The following R3HDM1 variants were observed in gnomAD, a reference collection of about 807,000 sequenced individuals.
R3HDM1 encodes the protein R3H domain-containing protein 1.
R3HDM1 carries 46 observed loss-of-function variants against 141.1 expected under a neutral mutation model. The ratio of observed to expected loss-of-function variants is 0.33; its 90% CI spans 0.26 to 0.42. The LOEUF (loss-of-function observed/expected upper bound fraction) is 0.42, where lower values mean the gene tolerates loss of function less well. Among genes scored for constraint, R3HDM1 ranks in the 10% least tolerant of loss-of-function variants. R3HDM1 has a pLI of 1.00. For missense variants in R3HDM1, 1,184 were observed against 1,368.3 expected, an observed-to-expected ratio of 0.87 and a Z score of 2.12; for synonymous variants, 435 against 472.9, an observed-to-expected ratio of 0.92 and a Z score of 1.04.
intron 1 of R3HDM1, among the ~76,000 whole-genome samples, chr2:135,553,813 C>T (rs1700243796): frequency 6.6e-6 from 1 of 152,218 alleles, no homozygotes; most frequent in African/African-American, 2.4e-5. Context: ...GCCTCAGCCT[C>T]CCAAGTAGCT....
chr2:135,582,361 A>C (rs1297659707), intron 1 of R3HDM1, among the ~76,000 whole-genome samples: 1 of 152,200 alleles, frequency 6.6e-6, no homozygotes, highest in African/African-American at 2.4e-5. Flanking sequence ...TATTTAGTCA[A>C]TGGTTTTAAT....
intron 17 of R3HDM1, chr2:135,651,222 T>C: frequency 1.0e-6 from 1 of 985,202 alleles, no homozygotes; most frequent in Non-Finnish European, 1.2e-6. Context: ...TAGTGGATTT[T>C]ATGTATTTAA....
chr2:135,637,913 C>T (rs935411054), intron 11 of R3HDM1, among the ~76,000 whole-genome samples: 22 of 152,116 alleles, frequency 1.4e-4, no homozygotes, highest in African/African-American at 4.8e-4. Context: ...TCAAATCTGA[C>T]TTTTTGCTAC....
chr2:135,699,058 T>TAGATA (rs2073831106), intron 21 of R3HDM1, among the ~76,000 whole-genome samples: 1 of 123,272 alleles, frequency 8.1e-6, no homozygotes, highest in South Asian at 2.5e-4. Context: ...ATAGATAAGA[T>TAGATA]AGATTGATTA....
In R3HDM1 at chr2:135,724,266, A is replaced by G. The variant is rs761913536; in HGVS notation, c.3379A>G (p.Ile1127Val). 7.4e-6 allele frequency: 12 copies of G among 1,612,878 alleles called. No homozygotes were observed. In the Admixed American group the frequency reaches 8.3e-5, roughly 11 times the overall value. ...AAGCAAGAAGCACTATGACTTTCACATTTTGGAAAGGGCAAGTTCTCAGTA... is the reference window on the plus strand; with the variant it reads ...AAGCAAGAAGCACTATGACTTTCACGTTTTGGAAAGGGCAAGTTCTCAGTA... ...RTSKKHYDFHILERASSQ is the reference protein window; with the variant it reads ...RTSKKHYDFHVLERASSQ The change falls in exon 27 of 27, where the codon ATT (isoleucine) becomes GTT (valine). Residue 1127 changes from isoleucine (I) to valine (V), a missense_variant. This residue lies in a region of R3HDM1 where 182 missense variants were observed against 252.6 expected (regional missense o/e 0.72). Transcript: ENST00000683871.
chr2:135,684,000 A>G (rs1473819486), intron 21 of R3HDM1, among the ~76,000 whole-genome samples: 1 of 151,906 alleles, frequency 6.6e-6, no homozygotes, highest in Non-Finnish European at 1.5e-5. Flanking sequence ...ATACATACAT[A>G]CTCAAGCACC....
chr2:135,671,917 G>A (rs966092202), intron 19 of R3HDM1, among the ~76,000 whole-genome samples: 5 of 151,716 alleles, frequency 3.3e-5, no homozygotes, highest in African/African-American at 4.8e-5. Flanking sequence ...TGGAGGTTGC[G>A]GTGAGCCAAG....
chr2:135,650,365 A>G, intron 17 of R3HDM1: 1 of 984,926 alleles, frequency 1.0e-6, no homozygotes, highest in Non-Finnish European at 1.2e-6. Context: ...TTTCTCCCCA[A>G]CACTGTAGCT....
chr2:135,641,721 A>G lies in R3HDM1; in HGVS notation c.1405A>G (p.Ser469Gly), dbSNP rs543816365. ...TGGGCAAGTCGCATCTCCTAGCACT[A>G]GCTTCTTTTTGCTTCCCTTGGAAGC... ...LNGQVASPST[S>G]FFLLPLEAAG... The change falls in exon 15 of 27, where the codon AGC (serine) becomes GGC (glycine). Residue 469 changes from serine (S) to glycine (G), a missense_variant. Ser to Gly is a moderately conservative substitution (Grantham distance 56). This residue lies in a region of R3HDM1 where 240 missense variants were observed against 312.3 expected (regional missense o/e 0.77). Transcript: ENST00000683871. 1.9e-6 allele frequency: 3 copies of G among 1,614,100 alleles called. No individual in the cohort carries two copies. The highest frequency in any genetic ancestry group is 2.5e-6 in the Non-Finnish European group (3 of 1,179,996).
At chr2:135,714,849 A>G (rs556480289) in intron 23 of R3HDM1, among the ~76,000 whole-genome samples, 4 of 152,256 alleles carry the variant, frequency 2.6e-5, no homozygotes, top group Non-Finnish European at 4.4e-5. Context: ...TTCTTTTACA[A>G]TCTTAGGAAC....
chr2:135,655,549 C>G (rs1446313475), intron 18 of R3HDM1, among the ~76,000 whole-genome samples: 1 of 151,850 alleles, frequency 6.6e-6, no homozygotes, highest in Non-Finnish European at 1.5e-5. Context: ...CTCTGTCACC[C>G]AGGCTGGAGT....
intron 16 of R3HDM1, among the ~76,000 whole-genome samples, 156 bp downstream of exon 16, chr2:135,645,683 T>G (rs375141712): frequency 2.0e-5 from 3 of 152,224 alleles, no homozygotes; most frequent in African/African-American, 4.8e-5. Context: ...GGAAAAGAGA[T>G]AACTTCAAAG....
At chr2:135,661,865 A>T (rs1188531916) in intron 19 of R3HDM1, among the ~76,000 whole-genome samples, 2 of 152,222 alleles carry the variant, frequency 1.3e-5, no homozygotes, top group Non-Finnish European at 2.9e-5. Context: ...TGTACTTAGC[A>T]TATTTTCTGT....
At chr2:135,593,120 A>G (rs1244206423) in intron 1 of R3HDM1, among the ~76,000 whole-genome samples, 3 of 151,920 alleles carry the variant, frequency 2.0e-5, no homozygotes. Flanking sequence ...AGGTTTCACC[A>G]TGTTGGCCAG....
At chr2:135,543,768 T>C (rs1698115653) in intron 1 of R3HDM1, among the ~76,000 whole-genome samples, 1 of 152,224 alleles carries the variant, frequency 6.6e-6, no homozygotes, top group Non-Finnish European at 1.5e-5. Context: ...ATACCTGCTT[T>C]TGCATTCACT....
intron 1 of R3HDM1, among the ~76,000 whole-genome samples, chr2:135,532,754 A>G (rs1471211821): frequency 6.6e-6 from 1 of 152,212 alleles, no homozygotes; most frequent in African/African-American, 2.4e-5. Flanking sequence ...GACAGGAATA[A>G]TTGGACACGT....
intron 20 of R3HDM1, among the ~76,000 whole-genome samples, chr2:135,678,781 G>A (rs566383722): frequency 9.7e-6 from 1 of 103,098 alleles, no homozygotes; most frequent in South Asian, 3.3e-4. Flanking sequence ...TTTTTTTGGA[G>A]ACAGAGTCTC....
At chr2:135,603,121 A>G (rs1314788719) in intron 2 of R3HDM1, among the ~76,000 whole-genome samples, 1 of 152,084 alleles carries the variant, frequency 6.6e-6, no homozygotes, top group Non-Finnish European at 1.5e-5. Context: ...AGCTGGGACT[A>G]CAGGCTTGCA....
intron 1 of R3HDM1, among the ~76,000 whole-genome samples, chr2:135,571,526 A>G (rs1704106884): frequency 6.6e-6 from 1 of 151,804 alleles, no homozygotes; most frequent in Non-Finnish European, 1.5e-5. Context: ...AGGTTTCACC[A>G]CGTTGCCCAG....
Sources: gnomAD v4.1 joint callset for allele counts (sites outside exome capture counted in the v4.1 genomes callset) on GRCh38, gnomAD v4.1.1 for gene constraint, gnomAD v4.1.1 regional missense constraint, MANE v1.5 for transcripts, NCBI Gene and HGNC (gene_info 2026-07-23, HGNC 2026-07-21) for gene names.